ASPH: variants seen among roughly 807,000 people sequenced by gnomAD.
ASPH encodes aspartate beta-hydroxylase, also known as aspartyl/asparaginyl beta-hydroxylase.
A neutral mutation model predicts 118.4 loss-of-function variants in ASPH; 100 were observed. The observed-to-expected ratio is 0.84, with a 90% CI of 0.72 to 1.00. The LOEUF is 1.00. Ranked by LOEUF, ASPH falls within the 50% of genes least tolerant of loss-of-function variation. ASPH has a pLI of 0.00. For missense variants in ASPH, 920 were observed against 919.5 expected, an observed-to-expected ratio of 1.00 and a Z score of -0.01; for synonymous variants, 315 against 325.6, an observed-to-expected ratio of 0.97 and a Z score of 0.35.
chr8:61,570,458 C>A (rs1031931760), intron 16 of ASPH, among the ~76,000 whole-genome samples: 1 of 152,124 alleles, frequency 6.6e-6, no homozygotes, highest in Non-Finnish European at 1.5e-5. Flanking sequence ...CCAAGATAAT[C>A]CTTCTTTATT....
At chr8:61,519,745 C>T (rs1052099777) in intron 22 of ASPH, among the ~76,000 whole-genome samples, 1 of 152,144 alleles carries the variant, frequency 6.6e-6, no homozygotes, top group South Asian at 2.1e-4. Context: ...ACTGCTGGCT[C>T]TGAAGATGGA....
intron 5 of ASPH, among the ~76,000 whole-genome samples, chr8:61,649,001 C>T (rs1470150144): frequency 6.6e-6 from 1 of 152,104 alleles, no homozygotes; most frequent in African/African-American, 2.4e-5. Context: ...AAAGAGAGGT[C>T]AGCTGGGCTA....
chr8:61,626,844 A>T (rs890889029), intron 13 of ASPH, among the ~76,000 whole-genome samples: 2 of 150,098 alleles, frequency 1.3e-5, no homozygotes, highest in South Asian at 2.1e-4. Context: ...ACTTTTTACA[A>T]TTTTTTTTTT....
intron 12 of ASPH, among the ~76,000 whole-genome samples, chr8:61,637,111 C>T (rs1486842367): frequency 6.6e-6 from 1 of 152,138 alleles, no homozygotes; most frequent in African/African-American, 2.4e-5. Flanking sequence ...TTAGCTGCTC[C>T]TAAATTTTAA....
chr8:61,633,758 A>G (rs368272557), intron 12 of ASPH, 31 bp from the exon 13 acceptor site: 13 of 1,497,462 alleles, frequency 8.7e-6, no homozygotes, highest in East Asian at 2.3e-5. Flanking sequence ...ATAATCTGTT[A>G]CATATTGCTG....
At chr8:61,571,774 A>G (rs1446784339) in intron 16 of ASPH, among the ~76,000 whole-genome samples, 2 of 152,230 alleles carry the variant, frequency 1.3e-5, no homozygotes, top group Non-Finnish European at 2.9e-5. Context: ...TAATTAAATT[A>G]GCATTTGCAT....
At chr8:61,678,085 G>A (rs1275643807) in intron 3 of ASPH, among the ~76,000 whole-genome samples, 3 of 151,998 alleles carry the variant, frequency 2.0e-5, no homozygotes, top group African/African-American at 7.2e-5. Context: ...CCTCCCATCA[G>A]CTCACTCATG....
At chr8:61,634,347 T>C (rs1389849976) in intron 12 of ASPH, among the ~76,000 whole-genome samples, 2 of 152,172 alleles carry the variant, frequency 1.3e-5, no homozygotes, top group African/African-American at 4.8e-5. Flanking sequence ...AACATTACCT[T>C]AACCTAGAGA....
At chr8:61,677,571 C>G (rs940023947) in intron 3 of ASPH, among the ~76,000 whole-genome samples, 2 of 152,162 alleles carry the variant, frequency 1.3e-5, no homozygotes, top group African/African-American at 2.4e-5. Flanking sequence ...CTCTGCTTTA[C>G]TCAAAAGAAC....
intron 1 of ASPH, among the ~76,000 whole-genome samples, chr8:61,706,556 C>T (rs1381307925): frequency 6.6e-6 from 1 of 151,880 alleles, no homozygotes; most frequent in Non-Finnish European, 1.5e-5. Flanking sequence ...TAAGAAGATT[C>T]AGTATTATAA....
chr8:61,578,779 C>G, intron 15 of ASPH: 2 of 1,590,116 alleles, frequency 1.3e-6, no homozygotes, highest in South Asian at 2.2e-5. Context: ...AATAAGCATA[C>G]AGAGATGGAG....
chr8:61,533,417 T>C (rs1031135764), intron 21 of ASPH, among the ~76,000 whole-genome samples: 3 of 152,232 alleles, frequency 2.0e-5, no homozygotes, highest in African/African-American at 7.2e-5. Flanking sequence ...GTTTTTCTTT[T>C]GTTCCCTACA....
chr8:61,540,767 T>G (rs1334561679), intron 21 of ASPH, among the ~76,000 whole-genome samples: 2 of 152,074 alleles, frequency 1.3e-5, no homozygotes, highest in Admixed American at 1.3e-4. Context: ...TATCTCTCAC[T>G]GTAATGTAGA....
chr8:61,576,443 T>A (rs1019667495), intron 16 of ASPH, among the ~76,000 whole-genome samples: 4 of 152,188 alleles, frequency 2.6e-5, no homozygotes, highest in African/African-American at 7.2e-5. Context: ...AAACTGAGAG[T>A]CTGAAAGCTC....
At chr8:61,589,548 A>G (rs765675939) in intron 14 of ASPH, among the ~76,000 whole-genome samples, 4 of 152,148 alleles carry the variant, frequency 2.6e-5, no homozygotes, top group Non-Finnish European at 5.9e-5. Flanking sequence ...TGTATTTAAC[A>G]TCCCAGCTAC....
intron 3 of ASPH, chr8:61,661,917 T>C: frequency 2.2e-6 from 1 of 458,442 alleles, no homozygotes; most frequent in South Asian, 4.8e-5. Flanking sequence ...CTATATACAA[T>C]GCAAATTACC....
intron 20 of ASPH, among the ~76,000 whole-genome samples, chr8:61,552,150 T>C (rs1395370466): frequency 6.6e-6 from 1 of 152,180 alleles, no homozygotes; most frequent in Non-Finnish European, 1.5e-5. Context: ...GATGCAATGG[T>C]TACAAAGATT....
At chr8:61,693,452 T>A (rs894265002) in intron 1 of ASPH, among the ~76,000 whole-genome samples, 10 of 151,582 alleles carry the variant, frequency 6.6e-5, no homozygotes, top group Admixed American at 5.2e-4. Flanking sequence ...AAAAACAAAT[T>A]TTTTTTCATC....
At chr8:61,609,008 T>C (rs550111580) in intron 14 of ASPH, among the ~76,000 whole-genome samples, 5 of 152,248 alleles carry the variant, frequency 3.3e-5, no homozygotes, top group African/African-American at 9.6e-5. Flanking sequence ...CTGGTTTCAA[T>C]AGCAGTTAAT....
Sources: gnomAD v4.1 joint callset for allele counts (sites outside exome capture counted in the v4.1 genomes callset) on GRCh38, gnomAD v4.1.1 for gene constraint, MANE v1.5 for transcripts, NCBI Gene and HGNC (gene_info 2026-07-23, HGNC 2026-07-21) for gene names.